Variants in GRAMD1B observed in about 807,000 individuals in gnomAD.
The protein encoded by GRAMD1B is GRAM domain containing 1B, also known as protein Aster-B.
A neutral mutation model predicts 99.7 loss-of-function variants in GRAMD1B; 37 were observed. The ratio of observed to expected loss-of-function variants is 0.37; its 90% confidence interval spans 0.29 to 0.49. The LOEUF (loss-of-function observed/expected upper bound fraction) is 0.49. Ranked by LOEUF, GRAMD1B falls within the 20% of genes least tolerant of loss-of-function variation. The pLI, the probability that GRAMD1B is intolerant of heterozygous loss-of-function variation, is 0.98. For synonymous variants in GRAMD1B, 427 were observed against 387.6 expected (o/e 1.10, Z -1.19); for missense variants, 888 against 1,009.2 (o/e 0.88, Z 1.63).
At chr11:123,573,209 T>C (rs573833723) in intron 2 of GRAMD1B, among the ~76,000 whole-genome samples, 1 of 152,316 alleles carries the variant, frequency 6.6e-6, no homozygotes, top group African/African-American at 2.4e-5. Context: ...AGAGGTGCAC[T>C]GGAAATGTAG....
In GRAMD1B at chr11:123,595,595, A is replaced by G. The variant is rs116001303; in HGVS notation, c.874-347A>G. Among the ~76,000 whole-genome samples, 1,360 of 152,252 alleles carry G rather than the reference A, an allele frequency of 8.9e-3. 24 individuals carry two copies. Among genetic ancestry groups the G allele is most frequent in the African/African-American group, 0.03 (1,255 of 41,528 alleles). On this transcript the variant is annotated intron_variant, in intron 6 of 19. Transcript: ENST00000635736. ...AGATGTGAGCCCTGTGCCCAGCCTA[A>G]CTAGATGATTTATATGGCCACATCC...
At chr11:123,572,576 G>A (rs747566629) in intron 2 of GRAMD1B, among the ~76,000 whole-genome samples, 6 of 152,212 alleles carry the variant, frequency 3.9e-5, no homozygotes, top group Non-Finnish European at 7.3e-5. Context: ...TTCTTTTGTA[G>A]AGAAGGATCA....
chr11:123,559,687 C>T (rs1212926289), intron 2 of GRAMD1B: 6 of 984,964 alleles, frequency 6.1e-6, no homozygotes, highest in South Asian at 4.7e-5. Context: ...TGCTTTGCCA[C>T]GAATGTAAGT....
chr11:123,595,269 A>T (rs543849131), intron 6 of GRAMD1B, among the ~76,000 whole-genome samples: 67 of 147,512 alleles, frequency 4.5e-4, no homozygotes, highest in African/African-American at 1.6e-3. Flanking sequence ...TAAGGAAGAG[A>T]AAGATTAACT....
intron 1 of GRAMD1B, among the ~76,000 whole-genome samples, chr11:123,413,533 T>A (rs1948125273): frequency 6.6e-6 from 1 of 151,708 alleles, no homozygotes. Context: ...AATGGAGGCA[T>A]GAATTTAATG....
chr11:123,512,915 G>A (rs1001020041), intron 2 of GRAMD1B, among the ~76,000 whole-genome samples: 5 of 151,762 alleles, frequency 3.3e-5, no homozygotes, highest in East Asian at 3.9e-4. Flanking sequence ...CTCCCCAGGA[G>A]GCTTATTACT....
chr11:123,446,005 G>A (rs960821773), intron 1 of GRAMD1B, among the ~76,000 whole-genome samples: 5 of 152,086 alleles, frequency 3.3e-5, no homozygotes, highest in South Asian at 2.1e-4. Context: ...GTTTTGTGAA[G>A]ATGGAAGAAT....
chr11:123,563,921 C>G (rs953308899), intron 2 of GRAMD1B, among the ~76,000 whole-genome samples: 2 of 152,196 alleles, frequency 1.3e-5, no homozygotes, highest in Admixed American at 6.5e-5. Flanking sequence ...CGACCTCTTA[C>G]AGTTTTCTCT....
intron 2 of GRAMD1B, among the ~76,000 whole-genome samples, chr11:123,501,142 C>A (rs1488791172): frequency 6.6e-6 from 1 of 151,918 alleles, no homozygotes; most frequent in Non-Finnish European, 1.5e-5. Context: ...AACTCCAGAG[C>A]TCAAGTTCTT....
intron 17 of GRAMD1B, among the ~76,000 whole-genome samples, chr11:123,615,561 T>A (rs1224170428): frequency 6.6e-6 from 1 of 152,230 alleles, no homozygotes; most frequent in African/African-American, 2.4e-5. Flanking sequence ...GGCAGGCGCC[T>A]GTAGTCCCAG....
Position 123,577,347 on chromosome 11 carries a change from C to G in GRAMD1B, c.453-20C>G. The G allele has an allele frequency of 1.9e-6, 3 of 1,558,740 alleles. No homozygotes were observed. Among genetic ancestry groups the G allele is most frequent in the Non-Finnish European group, 2.6e-6 (3 of 1,149,882 alleles). ...TCCTTCTCTTTCCACCCCGCTCCCTCTCTCCATCTGCCGCTGCAGCACTGC... is the reference window on the plus strand; with the variant it reads ...TCCTTCTCTTTCCACCCCGCTCCCTGTCTCCATCTGCCGCTGCAGCACTGC... On this transcript the variant is annotated intron_variant, in intron 2 of 19. Coordinates refer to ENST00000635736, the MANE Select transcript of GRAMD1B (RefSeq NM_001387025.1).
In GRAMD1B at chr11:123,411,469, A is replaced by T. The variant is rs182117506; in HGVS notation, c.-176+52670A>T. Among the ~76,000 whole-genome samples the T allele has an allele frequency of 1.4e-3, 215 of 152,254 alleles. 3 individuals are homozygous for T. Among genetic ancestry groups the T allele is most frequent in the Middle Eastern group, 3.4e-3 (1 of 294 alleles). On this transcript the variant is annotated intron_variant, in intron 1 of 20. Coordinates refer to the GRAMD1B transcript ENST00000638157. Reference sequence around the variant, plus strand: ...TGGCTTTGGGAATCCTGGTAGGTAGAGCTCTCGAAATCATAATGTCAGCTC... The same window carrying T: ...TGGCTTTGGGAATCCTGGTAGGTAGTGCTCTCGAAATCATAATGTCAGCTC...
intron 1 of GRAMD1B, among the ~76,000 whole-genome samples, chr11:123,455,660 T>G (rs1018712687): frequency 6.6e-6 from 1 of 152,210 alleles, no homozygotes; most frequent in African/African-American, 2.4e-5. Context: ...TTTTTAGCTT[T>G]TTTGAGGCTA....
intron 1 of GRAMD1B, among the ~76,000 whole-genome samples, chr11:123,402,364 G>T: frequency 6.6e-6 from 1 of 152,090 alleles, no homozygotes; most frequent in East Asian, 1.9e-4. Context: ...TCTGATTAGG[G>T]GTGTCCAAAT....
chr11:123,580,527 T>C (rs1339284590), intron 3 of GRAMD1B, among the ~76,000 whole-genome samples: 1 of 152,212 alleles, frequency 6.6e-6, no homozygotes, highest in Non-Finnish European at 1.5e-5. Flanking sequence ...TCAGGTCCCA[T>C]GCACGGTGTC....
At position 123,398,898 on chromosome 11, in the gene GRAMD1B, C is replaced by A. The variant is rs549026730; in HGVS notation, c.-176+40099C>A. Among the ~76,000 whole-genome samples the A allele has an allele frequency of 2.0e-5, 3 of 152,218 alleles. 1 individual carries two copies. The South Asian group carries it at 6.2e-4, about 32-fold the overall frequency. On this transcript the variant is annotated intron_variant, in intron 1 of 20. Coordinates refer to the GRAMD1B transcript ENST00000638157. ...TCTGTCCATTGTCTCCAAAAATTTC[C>A]TCCCACCCACTTTTATTATTATTAT...
rs796886806 is a variant in GRAMD1B at position 123,413,510 on chromosome 11, A to G, written c.-176+54711A>G. On this transcript the variant is annotated intron_variant, in intron 1 of 20. Transcript: ENST00000638157. ...GTAAAAATTCAGGGTCCATTTGCCC[A>G]TATTTTTTTTTTAATGGAGGCATGA... Among the ~76,000 whole-genome samples the G allele has an allele frequency of 9.2e-5, 11 of 119,906 alleles. No homozygotes were observed. In the South Asian group the frequency reaches 2.1e-3, roughly 23 times the overall value. 78.7% of individuals were successfully genotyped at this position (119,906 alleles called of 152,430 possible).
At chr11:123,427,049 G>A (rs1216929979), upstream of GRAMD1B, among the ~76,000 whole-genome samples, 1 of 152,162 alleles carries the variant, frequency 6.6e-6, no homozygotes, top group Non-Finnish European at 1.5e-5. Flanking sequence ...CACCTGTCTG[G>A]GGAAGCGGGG....
Position 123,430,983 on chromosome 11 carries a change from T to C in GRAMD1B, c.191T>C (p.Leu64Pro). 1.4e-6 allele frequency: 1 copy of C among 702,868 alleles called. No individual in the cohort carries two copies. The highest frequency in any genetic ancestry group is 1.7e-5 in the African/African-American group (1 of 57,394). 43.5% of individuals were successfully genotyped at this position (702,868 alleles called of 1,614,324 possible). ...QSLEAGLARD[L>P]PAVLAPGKEF... The stretch of plus-strand genomic sequence containing the variant: ...CTGGAGGCCGGGCTGGCCCGGGACC[T>C]GCCCGCCGTCTTGGCCCCCGGCAAG... Residue 64 changes from leucine to proline, a missense_variant, in exon 1 of 20, where the codon CTG (leucine) becomes CCG (proline). Around this residue, in one of 5 missense-constraint regions of GRAMD1B, gnomAD observed 233 missense variants for 154.6 expected, o/e 1.51. Transcript: ENST00000635736.
Sources: allele counts gnomAD v4.1 joint callset (sites outside exome capture counted in the v4.1 genomes callset), GRCh38; gene constraint gnomAD v4.1.1; regional missense constraint gnomAD v4.1.1; transcripts MANE v1.5; gene names NCBI Gene and HGNC (gene_info 2026-07-23, HGNC 2026-07-21).